The following CLK4 variants were observed in gnomAD, a reference collection of about 807,000 sequenced individuals.
The protein encoded by CLK4 is dual specificity protein kinase CLK4.
Under a neutral mutation model 64.4 loss-of-function variants are expected in CLK4, and 37 were observed. The observed-to-expected ratio is 0.57, with a 90% CI of 0.44 to 0.76. The LOEUF is 0.76. Among genes scored for constraint, CLK4 ranks in the 30% least tolerant of loss-of-function variants. CLK4 has a pLI of 0.00. For synonymous variants in CLK4, 175 were observed against 191.6 expected, an observed-to-expected ratio of 0.91 and a Z score of 0.72; for missense variants, 457 against 605.1, an observed-to-expected ratio of 0.76 and a Z score of 2.57.
In CLK4 at chr5:178,603,080, T is replaced by C. The variant is rs969056029; in HGVS notation, c.*537A>G. On this transcript the variant is annotated 3_prime_UTR_variant, in exon 13 of 13. Coordinates refer to ENST00000316308, the MANE Select transcript of CLK4 (RefSeq NM_020666.3). ...TGAATGTCTGGTTATCACCCTGACA[T>C]CACCCAATGAAAAAGAATACAACAC... 1.3e-5 allele frequency: 2 copies of C among 152,562 alleles called. No homozygotes were observed. Among genetic ancestry groups the C allele is most frequent in the African/African-American group, 2.4e-5 (1 of 41,452 alleles). The allele number at this position is 152,562 out of a possible 1,614,324, so 9.5% of individuals were successfully genotyped here.
chr5:178,616,952 G>A lies in CLK4; in HGVS notation c.476-4C>T, dbSNP rs1764636179. 1.2e-6 allele frequency: 2 copies of A among 1,609,962 alleles called. No homozygotes were observed. Among genetic ancestry groups the A allele is most frequent in the Non-Finnish European group, 1.7e-6 (2 of 1,176,242 alleles). ...CCCAAAGTGTCCACGATTTCATCTAGAGTGAGGAGGGAAAAAGAGGTGTAA... is the reference window on the plus strand; with the variant it reads ...CCCAAAGTGTCCACGATTTCATCTAAAGTGAGGAGGGAAAAAGAGGTGTAA... On this transcript the variant is annotated splice_region_variant and splice_polypyrimidine_tract_variant and intron_variant, in intron 4 of 12. Transcript: ENST00000316308.
intron 1 of CLK4, among the ~76,000 whole-genome samples, chr5:178,626,303 T>A (rs980403628): frequency 6.6e-6 from 1 of 152,162 alleles, no homozygotes; most frequent in Non-Finnish European, 1.5e-5. Flanking sequence ...CCAGGGATAA[T>A]AAGATGCAAA....
rs781734453 is a variant in CLK4 at position 178,613,705 on chromosome 5, C to T, written c.659+22G>A. On this transcript the variant is annotated intron_variant, in intron 6 of 12. Coordinates refer to ENST00000316308, the MANE Select transcript of CLK4 (RefSeq NM_020666.3). Reference sequence around the variant, plus strand: ...GAATATTTCATGTAATATGATGGCTCCTAGGTGAAAGTTATACTTACAAGA... The same window carrying T: ...GAATATTTCATGTAATATGATGGCTTCTAGGTGAAAGTTATACTTACAAGA... 4.4e-6 allele frequency: 7 copies of T among 1,607,572 alleles called. No individual in the cohort carries two copies. The East Asian group carries it at 1.3e-4, about 31-fold the overall frequency.
chr5:178,618,575 G>T lies in CLK4; in HGVS notation c.365C>A (p.Ser122Ter). The T allele has an allele frequency of 6.2e-7, 1 of 1,613,814 alleles. No homozygotes were observed. Among genetic ancestry groups the T allele is most frequent in the Non-Finnish European group, 8.5e-7 (1 of 1,179,844 alleles). Residue 122 changes from serine (S) to a stop codon, truncating the protein, a stop_gained, in exon 3 of 13, where the codon TCA (serine) becomes TAA (stop). Coordinates refer to ENST00000316308, the MANE Select transcript of CLK4 (RefSeq NM_020666.3). LOFTEE classifies it high-confidence loss of function. ...SPKRKRNRHCSSHQSRSKSHR... is the reference protein window; with the variant it reads ...SPKRKRNRHC ...TCATACCGAACGTGACTGATGACTTGAACAGTGTCTATTGCGCTTCCTTTT... is the reference window on the plus strand; with the variant it reads ...TCATACCGAACGTGACTGATGACTTTAACAGTGTCTATTGCGCTTCCTTTT...
Position 178,613,548 on chromosome 5 carries a change from T to C in CLK4, c.751A>G (p.Lys251Glu). The C allele has an allele frequency of 3.7e-6, 6 of 1,612,374 alleles. No homozygotes were observed. The highest frequency in any genetic ancestry group is 5.1e-6 in the Non-Finnish European group (6 of 1,179,404). The change falls in exon 7 of 13, where the codon AAA (lysine) becomes GAA (glutamate). Residue 251 changes from lysine (K) to glutamate (E), a missense_variant. Lys to Glu is a moderately conservative substitution (Grantham distance 56, BLOSUM62 1). Transcript: ENST00000316308. The part of the protein sequence containing the change: ...LLGLSTYDFI[K>E]ENSFLPFQID... Reference sequence around the variant, plus strand: ...TGAAATGGCAGAAAGCTGTTTTCTTTAATGAAATCGTAAGTACTAAGTCCC... The same window carrying C: ...TGAAATGGCAGAAAGCTGTTTTCTTCAATGAAATCGTAAGTACTAAGTCCC...
At chr5:178,619,814 C>T in intron 2 of CLK4, 1 of 1,289,330 alleles carries the variant, frequency 7.8e-7, no homozygotes, top group Non-Finnish European at 1.0e-6. Context: ...TTCAATTGGC[C>T]CAGTTTCCCG....
At chr5:178,624,258 A>T (rs535966963) in intron 1 of CLK4, among the ~76,000 whole-genome samples, 1 of 152,354 alleles carries the variant, frequency 6.6e-6, no homozygotes, top group Non-Finnish European at 1.5e-5. Flanking sequence ...CAAGCCCAGG[A>T]GTCTGAGACC....
At chr5:178,615,399 T>C (rs1284341839) in intron 5 of CLK4, among the ~76,000 whole-genome samples, 2 of 152,242 alleles carry the variant, frequency 1.3e-5, no homozygotes, top group African/African-American at 4.8e-5. Flanking sequence ...TTGGAATATA[T>C]GGGAATTCTT....
At chr5:178,623,842 C>T (rs1764743866) in intron 1 of CLK4, among the ~76,000 whole-genome samples, 1 of 152,020 alleles carries the variant, frequency 6.6e-6, no homozygotes, top group South Asian at 2.1e-4. Context: ...TATTTTGTTA[C>T]TTTCTACTTA....
intron 2 of CLK4, chr5:178,620,426 G>T (rs1485659974): frequency 1.1e-5 from 3 of 263,380 alleles, no homozygotes; most frequent in African/African-American, 6.6e-5. Flanking sequence ...AACATGGAGT[G>T]AACACCATGA....
At chr5:178,616,476 C>G (rs1051563949) in intron 5 of CLK4, among the ~76,000 whole-genome samples, 1 of 152,088 alleles carries the variant, frequency 6.6e-6, no homozygotes, top group African/African-American at 2.4e-5. Context: ...ATTTACCCCC[C>G]AAAACACGTG....
intron 1 of CLK4, among the ~76,000 whole-genome samples, chr5:178,626,278 G>A (rs1288579788): frequency 6.6e-6 from 1 of 152,154 alleles, no homozygotes; most frequent in Non-Finnish European, 1.5e-5. Flanking sequence ...AAGCCTATCT[G>A]GACTATTTAG....
In CLK4 at chr5:178,617,029, G is replaced by A. The variant is rs1764637090; in HGVS notation, c.476-81C>T. 1 of 950,008 alleles carries A rather than the reference G, an allele frequency of 1.1e-6. No individual in the cohort carries two copies. Among genetic ancestry groups the A allele is most frequent in the Non-Finnish European group, 1.7e-6 (1 of 595,388 alleles). 58.8% of individuals were successfully genotyped at this position (950,008 alleles called of 1,614,324 possible). On this transcript the variant is annotated intron_variant, in intron 4 of 12. Coordinates refer to ENST00000316308, the MANE Select transcript of CLK4 (RefSeq NM_020666.3). The surrounding 1 kb of genome is among the most constrained non-coding windows in gnomAD (Gnocchi z 5.2). ...TTCAAACAATGAATGCTTAAGTGTG[G>A]AATATTTTCAAATGATCTCTAACAA... is the stretch of plus-strand genomic sequence containing the variant.
rs1297288277 is a variant in CLK4, at chr5:178,612,466, T to C, written c.1001A>G (p.His334Arg). The C allele has an allele frequency of 6.2e-7, 1 of 1,614,136 alleles. No homozygotes were observed. Among genetic ancestry groups the C allele is most frequent in the South Asian group, 1.1e-5 (1 of 91,074 alleles). The change falls in exon 9 of 13, where the codon CAC (histidine) becomes CGC (arginine). Residue 334 changes from histidine (H) to arginine (R), a missense_variant. Physicochemically the swap from His to Arg is conservative, Grantham distance 29 (BLOSUM62 0). Coordinates refer to ENST00000316308, the MANE Select transcript of CLK4 (RefSeq NM_020666.3). ...GTGCCGGGTAGACACCAAAGTACTG[T>C]GATGTTCATCATCATACGTTGCACT... ...FGSATYDDEH[H>R]STLVSTRHYR...
Position 178,623,330 on chromosome 5 carries a change from C to A in CLK4, c.87G>T (p.Arg29=). 1.2e-6 allele frequency: 2 copies of A among 1,614,042 alleles called. No individual in the cohort carries two copies. Among genetic ancestry groups the A allele is most frequent in the Non-Finnish European group, 1.7e-6 (2 of 1,179,968 alleles). ...GHESYRGSHK[R]KRRSHSSTQE... ...GTGTGCTACTATGAGATCTCCTCTTCCGCTTGTGACTTCCACGATAGCTTT... is the reference window on the plus strand; with the variant it reads ...GTGTGCTACTATGAGATCTCCTCTTACGCTTGTGACTTCCACGATAGCTTT... The change falls in exon 2 of 13, where the codon CGG becomes CGT. Residue 29 remains arginine (R), a synonymous_variant. Coordinates refer to ENST00000316308, the MANE Select transcript of CLK4 (RefSeq NM_020666.3).
chr5:178,621,649 A>G (rs1764707872), intron 2 of CLK4, among the ~76,000 whole-genome samples: 1 of 152,204 alleles, frequency 6.6e-6, no homozygotes, highest in African/African-American at 2.4e-5. Flanking sequence ...CTTTCAAAAC[A>G]GCCAAGATTG....
intron 2 of CLK4, chr5:178,619,589 G>A: frequency 4.1e-6 from 1 of 242,190 alleles, no homozygotes; most frequent in Non-Finnish European, 8.5e-6. Flanking sequence ...ATTCCTGTTT[G>A]AGAAATACCT....
chr5:178,605,265 G>A (rs376727729), intron 11 of CLK4, 38 bp downstream of exon 11: 2 of 1,259,878 alleles, frequency 1.6e-6, no homozygotes, highest in African/African-American at 1.5e-5. Flanking sequence ...ATATGCTATT[G>A]CACATATCCA....
intron 2 of CLK4, chr5:178,622,313 A>G (rs954693739): frequency 6.7e-6 from 3 of 448,426 alleles, no homozygotes; most frequent in African/African-American, 2.1e-5. Context: ...CGTATGAAGC[A>G]TGATTTGTCT....
Sources: gnomAD v4.1 joint callset for allele counts (sites outside exome capture counted in the v4.1 genomes callset) on GRCh38, gnomAD v4.1.1 for gene constraint, Gnocchi (gnomAD v3.1) non-coding constraint, MANE v1.5 for transcripts, NCBI Gene and HGNC (gene_info 2026-07-23, HGNC 2026-07-21) for gene names.